CADM2: variants seen among roughly 807,000 people sequenced by gnomAD.
CADM2 encodes the protein cell adhesion molecule 2.
In CADM2, 12 loss-of-function variants were observed where a neutral mutation model predicts 49.8. The ratio of observed to expected loss-of-function variants is 0.24; its 90% CI spans 0.15 to 0.39. The LOEUF is 0.39. Ranked by LOEUF, CADM2 falls within the 10% of genes least tolerant of loss-of-function variation. The pLI, the probability that CADM2 is intolerant of heterozygous loss-of-function variation, is 1.00. For synonymous variants in CADM2, 214 were observed against 175.4 expected (o/e 1.22, Z -1.74); for missense variants, 378 against 492.3 (o/e 0.77, Z 2.20).
intron 2 of CADM2, among the ~76,000 whole-genome samples, chr3:85,791,540 G>A (rs868414423): frequency 1.4e-5 from 2 of 142,098 alleles, no homozygotes; most frequent in African/African-American, 5.8e-5. Flanking sequence ...GAGAGAGAGA[G>A]AGAAAGAGAG....
chr3:85,703,987 C>T (rs755363656), intron 1 of CADM2, among the ~76,000 whole-genome samples: 5 of 152,116 alleles, frequency 3.3e-5, no homozygotes, highest in African/African-American at 4.8e-5. Flanking sequence ...AACATTGATT[C>T]AGAGTTTTTA....
intron 1 of CADM2, among the ~76,000 whole-genome samples, chr3:85,699,460 CA>C (rs1330951659): frequency 6.6e-6 from 1 of 152,216 alleles, no homozygotes; most frequent in Non-Finnish European, 1.5e-5. Context: ...TAGGCTTTTC[CA>C]TAAATCCTAA....
intron 5 of CADM2, among the ~76,000 whole-genome samples, chr3:85,897,515 C>T (rs565724690): frequency 5.6e-4 from 84 of 150,740 alleles, no homozygotes; most frequent in African/African-American, 1.9e-3. Context: ...ATGATCCACC[C>T]GCCTCGGCCT....
At chr3:85,620,998 T>C (rs1005685810) in intron 1 of CADM2, among the ~76,000 whole-genome samples, 1 of 152,172 alleles carries the variant, frequency 6.6e-6, no homozygotes, top group African/African-American at 2.4e-5. Context: ...AAGTTGTCCT[T>C]TATTATTGTT....
chr3:85,503,001 C>A (rs1334933812), intron 1 of CADM2, among the ~76,000 whole-genome samples: 4 of 152,012 alleles, frequency 2.6e-5, no homozygotes, highest in Non-Finnish European at 5.9e-5. Context: ...TTTACAAGTT[C>A]TATAAGGTAT....
intron 1 of CADM2, among the ~76,000 whole-genome samples, chr3:85,150,072 G>T (rs1046747539): frequency 1.7e-4 from 26 of 152,184 alleles, no homozygotes; most frequent in African/African-American, 5.6e-4. Flanking sequence ...TTGAAAATCA[G>T]TTCTTCTACC....
intron 8 of CADM2, among the ~76,000 whole-genome samples, chr3:85,987,024 TATAAC>T (rs1348771938): frequency 6.6e-6 from 1 of 152,120 alleles, no homozygotes; most frequent in African/African-American, 2.4e-5. Flanking sequence ...AATCAACATA[TATAAC>T]ATATCATTGG....
intron 1 of CADM2, among the ~76,000 whole-genome samples, chr3:85,271,635 C>T (rs185063685): frequency 1.7e-3 from 256 of 150,858 alleles, no homozygotes; most frequent in Middle Eastern, 6.8e-3. Flanking sequence ...TTTGTCAGGC[C>T]CAGGTGTCAA....
At position 85,883,388 on chromosome 3, in the gene CADM2, C is replaced by A; in HGVS notation, c.336C>A (p.Thr112=). Residue 112 remains threonine (T), a synonymous_variant, in exon 4 of 10, where the codon ACC becomes ACA. Transcript: ENST00000383699. ...CTCTCTCTGATGAAGGACAGTACAC[C>A]TGTTCTTTATTTACAATGCCTGTCA... ...DVSLSDEGQY[T]CSLFTMPVKT... 2 of 1,613,792 alleles carry A rather than the reference C, an allele frequency of 1.2e-6. No homozygotes were observed. The highest frequency in any genetic ancestry group is 1.7e-6 in the Non-Finnish European group (2 of 1,179,808).
In CADM2 at chr3:85,058,680, G is replaced by A. The variant is rs2036186407; in HGVS notation, c.61+99012G>A. The stretch of plus-strand genomic sequence containing the variant: ...GGTTGGTCTCTAACTCCTGACCTCA[G>A]GTGATCTGCCCACCTCAGCCTCCCA... On this transcript the variant is annotated intron_variant, in intron 1 of 9. Coordinates refer to ENST00000383699, the MANE Select transcript of CADM2 (RefSeq NM_001167675.2). Among the ~76,000 whole-genome samples, 4 of 151,720 alleles carry A rather than the reference G, an allele frequency of 2.6e-5. No homozygotes were observed. The South Asian group carries it at 8.3e-4, about 32-fold the overall frequency.
Position 86,007,124 on chromosome 3 carries a change from A to C in CADM2, c.970+45477A>C, listed in dbSNP as rs186833637. Among the ~76,000 whole-genome samples, 27 of 133,030 alleles carry C rather than the reference A, an allele frequency of 2.0e-4. 1 individual carries two copies. In the East Asian group the frequency reaches 5.1e-3, roughly 25 times the overall value. 87.3% of individuals were successfully genotyped at this position (133,030 alleles called of 152,430 possible). A position where few individuals can be genotyped will look rare whatever the true frequency, so the allele number is the denominator to read the frequency against. On this transcript the variant is annotated intron_variant, in intron 8 of 9. Coordinates refer to ENST00000383699, the MANE Select transcript of CADM2 (RefSeq NM_001167675.2). ...CTCCCACCCCCACCCCCTCACCATT[A>C]TCTCTCTACCACAATCTCCATTCTC...
chr3:85,748,076 G>T (rs1393378132), intron 2 of CADM2, among the ~76,000 whole-genome samples: 1 of 151,970 alleles, frequency 6.6e-6, no homozygotes, highest in Non-Finnish European at 1.5e-5. Flanking sequence ...TTTTAAAAAT[G>T]CATGTGTGTG....
intron 1 of CADM2, among the ~76,000 whole-genome samples, chr3:85,146,197 T>C (rs527240371): frequency 6.6e-6 from 1 of 152,288 alleles, no homozygotes; most frequent in South Asian, 2.1e-4. Flanking sequence ...TCAATGGATT[T>C]TTACATTTTA....
At chr3:85,295,608 G>A (rs1294372022) in intron 1 of CADM2, among the ~76,000 whole-genome samples, 1 of 152,002 alleles carries the variant, frequency 6.6e-6, no homozygotes, top group African/African-American at 2.4e-5. Flanking sequence ...ATACTATGCA[G>A]CCATAAAAAT....
At chr3:85,115,331 G>A (rs758170097) in intron 1 of CADM2, among the ~76,000 whole-genome samples, 4 of 152,146 alleles carry the variant, frequency 2.6e-5, no homozygotes, top group African/African-American at 9.7e-5. Context: ...TGTTGCCTCC[G>A]TAAGACTGTT....
At chr3:85,572,252 T>G (rs1234582833) in intron 1 of CADM2, among the ~76,000 whole-genome samples, 1 of 152,052 alleles carries the variant, frequency 6.6e-6, no homozygotes, top group African/African-American at 2.4e-5. Context: ...GTGCCACTGC[T>G]TTCCAGTCTG....
intron 1 of CADM2, among the ~76,000 whole-genome samples, chr3:85,204,514 G>C (rs2041584476): frequency 6.6e-6 from 1 of 152,006 alleles, no homozygotes; most frequent in Non-Finnish European, 1.5e-5. Context: ...TTAGTTGCTT[G>C]TTCCTCACTA....
At chr3:85,253,672 T>A (rs2042824606) in intron 1 of CADM2, among the ~76,000 whole-genome samples, 1 of 152,128 alleles carries the variant, frequency 6.6e-6, no homozygotes, top group African/African-American at 2.4e-5. Flanking sequence ...TCTTTCTTGC[T>A]TAGCCTTACA....
chr3:85,060,016 A>G (rs1418767934), intron 1 of CADM2, among the ~76,000 whole-genome samples: 1 of 152,150 alleles, frequency 6.6e-6, no homozygotes, highest in Non-Finnish European at 1.5e-5. Flanking sequence ...CCCTACTTTA[A>G]TTTCAGTAAT....
Sources: gnomAD v4.1 joint callset for allele counts (sites outside exome capture counted in the v4.1 genomes callset) on GRCh38, gnomAD v4.1.1 for gene constraint, MANE v1.5 for transcripts, NCBI Gene and HGNC (gene_info 2026-07-23, HGNC 2026-07-21) for gene names.